Variants in APBB2 observed in about 807,000 individuals in gnomAD.
The protein encoded by APBB2 is amyloid beta precursor protein binding family B member 2.
In APBB2, 38 loss-of-function variants were observed where a neutral mutation model predicts 82.5. The ratio of observed to expected loss-of-function variants is 0.46; its 90% CI spans 0.36 to 0.60. The LOEUF is 0.60. Among genes scored for constraint, APBB2 ranks in the 20% least tolerant of loss-of-function variants. The probability of loss-of-function intolerance (pLI) is 0.00; values close to 1 mark genes in which losing one functional copy is unlikely to be tolerated. For missense variants in APBB2, 772 were observed against 972.3 expected (o/e 0.79, Z 2.74); for synonymous variants, 341 against 368.2 (o/e 0.93, Z 0.85).
intron 6 of APBB2, among the ~76,000 whole-genome samples, chr4:40,997,753 G>A (rs1397396682): frequency 2.0e-5 from 3 of 152,206 alleles, no homozygotes; most frequent in Non-Finnish European, 2.9e-5. Context: ...CATGAAGCAA[G>A]ACAGTAGCAT....
At chr4:41,202,572 T>C (rs1387541443) in intron 1 of APBB2, among the ~76,000 whole-genome samples, 3 of 152,206 alleles carry the variant, frequency 2.0e-5, no homozygotes, top group South Asian at 2.1e-4. Context: ...TTTGTTTCTA[T>C]TCATTCTCTT....
chr4:41,011,111 CACA>C (rs1370275234), intron 6 of APBB2, among the ~76,000 whole-genome samples: 2 of 151,048 alleles, frequency 1.3e-5, no homozygotes, highest in Admixed American at 6.6e-5. Flanking sequence ...AAAACATCAT[CACA>C]ACATTTGGGT....
intron 10 of APBB2, among the ~76,000 whole-genome samples, chr4:40,906,994 A>G (rs2154360284): frequency 6.6e-6 from 1 of 152,296 alleles, no homozygotes; most frequent in African/African-American, 2.4e-5. Flanking sequence ...ACACACATAT[A>G]TGCATGTCTA....
intron 6 of APBB2, among the ~76,000 whole-genome samples, chr4:40,964,831 A>T (rs1189838163): frequency 6.6e-6 from 1 of 151,262 alleles, no homozygotes; most frequent in East Asian, 2.0e-4. Flanking sequence ...TAAACACATT[A>T]GAATAGTAGC....
intron 10 of APBB2, among the ~76,000 whole-genome samples, chr4:40,907,379 A>ATTTT (rs55814804): frequency 2.7e-5 from 1 of 37,396 alleles, no homozygotes; most frequent in African/African-American, 1.2e-4. Flanking sequence ...ATATATATAT[A>ATTTT]TTTTTTTTTT....
chr4:40,912,998 A>G (rs1041228998), intron 10 of APBB2, among the ~76,000 whole-genome samples: 1 of 152,208 alleles, frequency 6.6e-6, no homozygotes, highest in Non-Finnish European at 1.5e-5. Context: ...ACTACAGATT[A>G]CGTTTCTGCT....
intron 8 of APBB2, 101 bp downstream of exon 8, chr4:40,934,976 C>T (rs1785057643): frequency 1.3e-5 from 13 of 1,011,944 alleles, no homozygotes; most frequent in African/African-American, 1.6e-5. Context: ...TCACTGTGTC[C>T]CTGCAGAATG....
At chr4:41,084,056 AT>A (rs1225251345) in intron 3 of APBB2, among the ~76,000 whole-genome samples, 6 of 152,020 alleles carry the variant, frequency 3.9e-5, no homozygotes, top group Non-Finnish European at 5.9e-5. Flanking sequence ...AAAATATTTT[AT>A]TGGTAAAAAA....
rs1491223078 is a variant in APBB2 at position 40,991,010 on chromosome 4, C to CTT, written c.835+22572_835+22573insAA. Among the ~76,000 whole-genome samples, 16 of 128,652 alleles carry CTT rather than the reference C, an allele frequency of 1.2e-4. 1 individual carries two copies. The highest frequency in any genetic ancestry group is 2.7e-4 in the South Asian group (1 of 3,654). The allele number at this position is 128,652 out of a possible 152,430, so 84.4% of individuals were successfully genotyped here. On this transcript the variant is annotated intron_variant, in intron 6 of 17. Coordinates refer to ENST00000508593, the MANE Select transcript of APBB2 (RefSeq NM_004307.2). ...TTTCTGGTCATTTTGGACTGAGTTT[C>CTT]ATTTTTTTTTTTTTTGGAGGCAAGG...
intron 1 of APBB2, among the ~76,000 whole-genome samples, chr4:41,163,006 T>C (rs28411278): frequency 0.2 from 31,124 of 152,220 alleles, 3,289 homozygotes; most frequent in East Asian, 0.32. Context: ...TGATAAGCTC[T>C]ATAATGTTAA....
At chr4:40,930,361 A>C (rs1783765128) in intron 10 of APBB2, among the ~76,000 whole-genome samples, 1 of 152,140 alleles carries the variant, frequency 6.6e-6, no homozygotes, top group African/African-American at 2.4e-5. Context: ...ACTGCATAAA[A>C]ATTTTGGTAG....
intron 13 of APBB2, among the ~76,000 whole-genome samples, chr4:40,829,381 T>C (rs538805734): frequency 6.6e-6 from 1 of 152,104 alleles, no homozygotes; most frequent in African/African-American, 2.4e-5. Flanking sequence ...GTGGTGGATC[T>C]GGAGAGGGAG....
intron 6 of APBB2, among the ~76,000 whole-genome samples, chr4:40,999,784 T>C (rs1342867056): frequency 1.3e-5 from 2 of 152,164 alleles, no homozygotes; most frequent in African/African-American, 2.4e-5. Flanking sequence ...ATTGTGAACT[T>C]CTTGGAGGTA....
chr4:41,028,716 C>T (rs1245389358), intron 5 of APBB2, among the ~76,000 whole-genome samples: 1 of 151,326 alleles, frequency 6.6e-6, no homozygotes, highest in Non-Finnish European at 1.5e-5. Context: ...CGTTAATACA[C>T]AAAGTATTTT....
chr4:40,919,595 C>A (rs537246479), intron 10 of APBB2, among the ~76,000 whole-genome samples: 3 of 152,192 alleles, frequency 2.0e-5, no homozygotes, highest in African/African-American at 4.8e-5. Flanking sequence ...AAATGGTACA[C>A]ACTTGGGACT....
At chr4:41,169,589 C>T (rs1767683280) in intron 1 of APBB2, among the ~76,000 whole-genome samples, 1 of 152,160 alleles carries the variant, frequency 6.6e-6, no homozygotes, top group Non-Finnish European at 1.5e-5. Context: ...GCTTTGCATA[C>T]TAAAGCTTCC....
At chr4:40,862,739 A>G (rs1763062799) in intron 12 of APBB2, among the ~76,000 whole-genome samples, 1 of 151,944 alleles carries the variant, frequency 6.6e-6, no homozygotes, top group Non-Finnish European at 1.5e-5. Context: ...GGCACCTACA[A>G]TCCCAGCTAC....
In APBB2 at chr4:40,838,845, G is replaced by A. The variant is rs77249564; in HGVS notation, c.1530-8268C>T. Among the ~76,000 whole-genome samples, 406 of 152,284 alleles carry A rather than the reference G, an allele frequency of 2.7e-3. 2 individuals carry two copies. Among genetic ancestry groups the A allele is most frequent in the African/African-American group, 9.2e-3 (384 of 41,564 alleles). On this transcript the variant is annotated intron_variant, in intron 12 of 17. Coordinates refer to ENST00000508593, the MANE Select transcript of APBB2 (RefSeq NM_004307.2). ...ATCTCTCCTGTGCAACTCTCGTAGT[G>A]TAAGTGGAATTTGCTTATGTGTTTA...
At chr4:41,116,633 A>G (rs1483301352) in intron 2 of APBB2, among the ~76,000 whole-genome samples, 2 of 152,174 alleles carry the variant, frequency 1.3e-5, no homozygotes, top group African/African-American at 4.8e-5. Flanking sequence ...CTCTGTCTCA[A>G]AAAAATAAAG....
Sources: gnomAD v4.1 joint callset for allele counts (sites outside exome capture counted in the v4.1 genomes callset) on GRCh38, gnomAD v4.1.1 for gene constraint, MANE v1.5 for transcripts, NCBI Gene and HGNC (gene_info 2026-07-23, HGNC 2026-07-21) for gene names.